GLI3: variants seen among roughly 807,000 people sequenced by gnomAD.
GLI3 encodes the protein GLI family zinc finger 3.
GLI3 carries 20 observed loss-of-function variants against 100.8 expected under a neutral mutation model. The ratio of observed to expected loss-of-function variants is 0.20; its 90% CI spans 0.14 to 0.29. The LOEUF is 0.29. Among genes scored for constraint, GLI3 ranks in the 10% least tolerant of loss-of-function variants. The pLI is 1.00. For missense variants in GLI3, 2,040 were observed against 2,128.5 expected (o/e 0.96, Z 0.82); for synonymous variants, 938 against 860.5 (o/e 1.09, Z -1.58).
At chr7:41,990,049 T>C (rs1468818834) in intron 10 of GLI3, among the ~76,000 whole-genome samples, 1 of 143,578 alleles carries the variant, frequency 7.0e-6, no homozygotes, top group South Asian at 2.2e-4. Flanking sequence ...CTTTGAAAGG[T>C]AGGACGAATA....
At chr7:41,975,592 A>T (rs1787486955) in intron 12 of GLI3, among the ~76,000 whole-genome samples, 1 of 152,202 alleles carries the variant, frequency 6.6e-6, no homozygotes, top group Non-Finnish European at 1.5e-5. Flanking sequence ...ACTACCCAAG[A>T]TATCCTTATC....
intron 1 of GLI3, among the ~76,000 whole-genome samples, chr7:42,243,609 G>A (rs577738168): frequency 1.3e-5 from 2 of 152,316 alleles, no homozygotes; most frequent in South Asian, 4.2e-4. Flanking sequence ...GATTTAAAAA[G>A]AAAGTGAGAT....
intron 10 of GLI3, among the ~76,000 whole-genome samples, chr7:42,011,668 A>G (rs1788616934): frequency 6.6e-6 from 1 of 152,248 alleles, no homozygotes; most frequent in South Asian, 2.1e-4. Context: ...ACAAAAGGTC[A>G]CATTTTGTAT....
intron 11 of GLI3, 70 bp downstream of exon 11, chr7:41,978,529 A>G (rs1213693272): frequency 2.1e-6 from 3 of 1,450,298 alleles, no homozygotes; most frequent in Non-Finnish European, 2.9e-6. Flanking sequence ...AGCTGGTGTC[A>G]TCAGTTTGCA....
At chr7:42,196,207 T>G (rs2128690603) in intron 2 of GLI3, among the ~76,000 whole-genome samples, 1 of 152,324 alleles carries the variant, frequency 6.6e-6, no homozygotes, top group Middle Eastern at 3.4e-3. Flanking sequence ...GAAATATCTT[T>G]TAAAGGGACC....
At chr7:42,245,056 G>C (rs1788958226) in intron 1 of GLI3, among the ~76,000 whole-genome samples, 1 of 152,190 alleles carries the variant, frequency 6.6e-6, no homozygotes, top group African/African-American at 2.4e-5. Context: ...CATAAACTCA[G>C]CTCCAGCTTG....
At chr7:42,160,457 C>G (rs1014620283) in intron 2 of GLI3, among the ~76,000 whole-genome samples, 6 of 152,202 alleles carry the variant, frequency 3.9e-5, no homozygotes, top group African/African-American at 1.4e-4. Flanking sequence ...ATATCCATAG[C>G]CTTGGGGTCA....
At chr7:42,170,574 T>C (rs1787351113) in intron 2 of GLI3, among the ~76,000 whole-genome samples, 1 of 151,644 alleles carries the variant, frequency 6.6e-6, no homozygotes, top group Non-Finnish European at 1.5e-5. Context: ...AGCCAATTTT[T>C]TGTATTTGTA....
At chr7:42,072,795 C>A (rs970620766) in intron 4 of GLI3, among the ~76,000 whole-genome samples, 2 of 152,138 alleles carry the variant, frequency 1.3e-5, no homozygotes, top group African/African-American at 4.8e-5. Flanking sequence ...GATTCAGGTT[C>A]TTTCATTAAT....
chr7:42,135,226 G>A (rs1786397720), intron 3 of GLI3, among the ~76,000 whole-genome samples: 2 of 151,926 alleles, frequency 1.3e-5, no homozygotes, highest in Admixed American at 6.6e-5. Flanking sequence ...TTAATGTTGG[G>A]GAACCAGTAA....
chr7:42,094,967 A>T (rs944685979), intron 3 of GLI3, among the ~76,000 whole-genome samples: 2 of 152,170 alleles, frequency 1.3e-5, no homozygotes, highest in African/African-American at 4.8e-5. Flanking sequence ...GCAGAGGACT[A>T]GGTAGGGGAA....
chr7:42,243,655 A>G (rs1788945583), intron 1 of GLI3, among the ~76,000 whole-genome samples: 1 of 152,250 alleles, frequency 6.6e-6, no homozygotes, highest in South Asian at 2.1e-4. Context: ...TATCCGGATT[A>G]GTAGATGCCA....
chr7:42,138,722 G>A (rs929512744), intron 3 of GLI3, among the ~76,000 whole-genome samples: 25 of 152,174 alleles, frequency 1.6e-4, no homozygotes, highest in African/African-American at 4.8e-4. Flanking sequence ...CATCCCCCAC[G>A]TGCACTTCTC....
At chr7:42,017,504 C>A (rs1788801454) in intron 10 of GLI3, among the ~76,000 whole-genome samples, 1 of 152,132 alleles carries the variant, frequency 6.6e-6, no homozygotes, top group Non-Finnish European at 1.5e-5. Flanking sequence ...ACCCCAAACT[C>A]CCTCCCAGGC....
intron 3 of GLI3, among the ~76,000 whole-genome samples, chr7:42,134,323 T>G (rs867437086): frequency 6.6e-6 from 1 of 152,134 alleles, no homozygotes; most frequent in Non-Finnish European, 1.5e-5. Flanking sequence ...GACTCGTGTA[T>G]GAGAAACATC....
intron 3 of GLI3, chr7:42,118,364 C>T (rs1258971763): frequency 3.8e-5 from 15 of 398,408 alleles, no homozygotes; most frequent in Middle Eastern, 6.2e-4. Context: ...CCTCAATTTT[C>T]AGGTGATGGA....
intron 10 of GLI3, among the ~76,000 whole-genome samples, chr7:41,997,592 G>A (rs183709362): frequency 1.7e-4 from 26 of 152,282 alleles, no homozygotes; most frequent in African/African-American, 6.3e-4. Flanking sequence ...CTGGTGTTCT[G>A]GCTGGACGTT....
intron 3 of GLI3, among the ~76,000 whole-genome samples, chr7:42,126,516 A>G (rs945051690): frequency 1.3e-5 from 2 of 152,252 alleles, no homozygotes; most frequent in Non-Finnish European, 2.9e-5. Context: ...TTAGATGATC[A>G]AGACCTAGAG....
chr7:42,171,717 T>A (rs765261188), intron 2 of GLI3, among the ~76,000 whole-genome samples: 3 of 152,224 alleles, frequency 2.0e-5, no homozygotes, highest in Non-Finnish European at 2.9e-5. Context: ...TTCTTCCAAA[T>A]GTAGGTCAAA....
Sources: allele counts gnomAD v4.1 joint callset (sites outside exome capture counted in the v4.1 genomes callset), GRCh38; gene constraint gnomAD v4.1.1; transcripts MANE v1.5; gene names NCBI Gene and HGNC (gene_info 2026-07-23, HGNC 2026-07-21).